Variants in LDB2 observed in about 807,000 individuals in gnomAD.
The protein encoded by LDB2 is LIM domain binding 2, also known as LIM domain-binding protein 2.
In LDB2, 12 loss-of-function variants were observed where a neutral mutation model predicts 44.3. The ratio of observed to expected loss-of-function variants is 0.27; its 90% CI spans 0.17 to 0.44. The LOEUF (loss-of-function observed/expected upper bound fraction) is 0.44, where lower values mean the gene tolerates loss of function less well. Among genes scored for constraint, LDB2 ranks in the 20% least tolerant of loss-of-function variants. The pLI, the probability that LDB2 is intolerant of heterozygous loss-of-function variation, is 1.00. For missense variants in LDB2, 344 were observed against 473.5 expected (o/e 0.73, Z 2.54); for synonymous variants, 164 against 174.8 (o/e 0.94, Z 0.49).
chr4:16,819,073 T>C (rs1361514019), intron 1 of LDB2, among the ~76,000 whole-genome samples: 1 of 145,578 alleles, frequency 6.9e-6, no homozygotes, highest in Admixed American at 7.2e-5. Flanking sequence ...TGTGAATCTT[T>C]CGTTTCAGTT....
intron 1 of LDB2, among the ~76,000 whole-genome samples, chr4:16,767,022 T>A (rs144442776): frequency 6.6e-6 from 1 of 152,248 alleles, no homozygotes; most frequent in Non-Finnish European, 1.5e-5. Flanking sequence ...AAAGTGGATA[T>A]GCCTAGACAT....
At chr4:16,895,120 T>TAAAAA (rs71181199) in intron 1 of LDB2, among the ~76,000 whole-genome samples, 1 of 124,674 alleles carries the variant, frequency 8.0e-6, no homozygotes, top group Admixed American at 8.1e-5. Flanking sequence ...TTTTTCATGC[T>TAAAAA]AAAAAAAAAA....
intron 2 of LDB2, among the ~76,000 whole-genome samples, chr4:16,692,443 G>T (rs890628990): frequency 3.9e-5 from 6 of 152,130 alleles, no homozygotes; most frequent in African/African-American, 1.4e-4. Context: ...CAGCAAAAGG[G>T]TTACTTCCAA....
intron 1 of LDB2, among the ~76,000 whole-genome samples, chr4:16,881,939 C>T (rs1270264784): frequency 6.6e-6 from 1 of 152,162 alleles, no homozygotes; most frequent in African/African-American, 2.4e-5. Context: ...AGAGATGTAG[C>T]ATTGTTAAGA....
intron 2 of LDB2, among the ~76,000 whole-genome samples, chr4:16,728,428 T>C (rs1484961555): frequency 1.3e-5 from 2 of 152,108 alleles, no homozygotes; most frequent in East Asian, 1.9e-4. Flanking sequence ...GGATAGATAA[T>C]TAAACAGTAC....
chr4:16,568,144 G>A (rs1745210655), intron 5 of LDB2, among the ~76,000 whole-genome samples: 1 of 152,076 alleles, frequency 6.6e-6, no homozygotes, highest in African/African-American at 2.4e-5. Context: ...TATTATTTTT[G>A]TCTGTGTAAA....
At chr4:16,635,530 A>AAACCCTAT (rs1733350849) in intron 2 of LDB2, among the ~76,000 whole-genome samples, 1 of 152,202 alleles carries the variant, frequency 6.6e-6, no homozygotes, top group Admixed American at 6.5e-5. Context: ...TTATCCATGC[A>AAACCCTAT]AACCCTATAT....
chr4:16,777,056 T>G (rs764352925), intron 1 of LDB2, among the ~76,000 whole-genome samples: 1 of 152,144 alleles, frequency 6.6e-6, no homozygotes, highest in Non-Finnish European at 1.5e-5. Context: ...TTGTCCCAGT[T>G]TGAGCACCAC....
intron 1 of LDB2, among the ~76,000 whole-genome samples, chr4:16,882,643 T>C (rs1720493336): frequency 6.6e-6 from 1 of 152,194 alleles, no homozygotes; most frequent in South Asian, 2.1e-4. Context: ...AAAAATGTCT[T>C]GACGTATCCT....
chr4:16,612,296 T>C (rs1273809382), intron 2 of LDB2, among the ~76,000 whole-genome samples: 1 of 151,716 alleles, frequency 6.6e-6, no homozygotes, highest in African/African-American at 2.4e-5. Flanking sequence ...AACATCACAA[T>C]TAAAAGAGCT....
At chr4:16,647,812 T>C (rs1488671193) in intron 2 of LDB2, among the ~76,000 whole-genome samples, 2 of 152,244 alleles carry the variant, frequency 1.3e-5, no homozygotes, top group Non-Finnish European at 2.9e-5. Flanking sequence ...ACTTGTGTTA[T>C]GAGGTTCTCT....
At chr4:16,843,549 T>G (rs1380335086) in intron 1 of LDB2, among the ~76,000 whole-genome samples, 4 of 152,262 alleles carry the variant, frequency 2.6e-5, no homozygotes, top group African/African-American at 7.2e-5. Context: ...ACATTATTAA[T>G]GGCATTATCA....
chr4:16,510,869 G>A (rs1464855513), intron 6 of LDB2, among the ~76,000 whole-genome samples: 1 of 152,118 alleles, frequency 6.6e-6, no homozygotes, highest in Non-Finnish European at 1.5e-5. Flanking sequence ...AGGAATTAAT[G>A]AATAATATAT....
chr4:16,890,646 G>C (rs749321509), intron 1 of LDB2, among the ~76,000 whole-genome samples: 2 of 152,174 alleles, frequency 1.3e-5, no homozygotes, highest in Non-Finnish European at 2.9e-5. Context: ...TGAAAAGTCA[G>C]ATGATCCAGC....
intron 1 of LDB2, among the ~76,000 whole-genome samples, chr4:16,894,023 A>G (rs1320592300): frequency 1.3e-5 from 2 of 152,176 alleles, no homozygotes; most frequent in Admixed American, 1.3e-4. Context: ...TGTTTCTCAT[A>G]TATTTTACCT....
chr4:16,881,383 G>GTA (rs540392905), intron 1 of LDB2, among the ~76,000 whole-genome samples: 9 of 152,218 alleles, frequency 5.9e-5, no homozygotes, highest in Non-Finnish European at 1.2e-4. Flanking sequence ...AGGCCATGAT[G>GTA]TAAAGCACTT....
intron 1 of LDB2, among the ~76,000 whole-genome samples, chr4:16,804,433 C>T (rs1381240027): frequency 6.6e-6 from 1 of 152,046 alleles, no homozygotes. Flanking sequence ...TAAATTGTCC[C>T]CTGTATCTTG....
chr4:16,566,478 A>G (rs997621766), intron 5 of LDB2, among the ~76,000 whole-genome samples: 3 of 144,880 alleles, frequency 2.1e-5, no homozygotes, highest in Non-Finnish European at 4.4e-5. Context: ...GCAACTGAGT[A>G]ACTAAACAGT....
At chr4:16,749,738 G>T (rs141430652) in intron 2 of LDB2, among the ~76,000 whole-genome samples, 2,021 of 152,068 alleles carry the variant, frequency 0.013, 24 homozygotes, top group Middle Eastern at 0.068. Context: ...GTTTAATAAT[G>T]TGCCTGTGGG....
Sources: gnomAD v4.1 joint callset for allele counts (sites outside exome capture counted in the v4.1 genomes callset) on GRCh38, gnomAD v4.1.1 for gene constraint, MANE v1.5 for transcripts, NCBI Gene and HGNC (gene_info 2026-07-23, HGNC 2026-07-21) for gene names.